FGF1: variants seen among roughly 807,000 people sequenced by gnomAD.
FGF1 encodes the protein fibroblast growth factor 1, also known as beta-endothelial cell growth factor.
In FGF1, 9 loss-of-function variants were observed where a neutral mutation model predicts 13.4. That is an observed-to-expected ratio of 0.67 (90% CI 0.40 to 1.17). The LOEUF is 1.17. Among genes scored for constraint, FGF1 ranks in the 50% most tolerant of loss-of-function variants. FGF1 has a pLI of 0.01. For synonymous variants in FGF1, 93 were observed against 79.0 expected (o/e 1.18, Z -0.94); for missense variants, 156 against 192.7 (o/e 0.81, Z 1.13).
At chr5:142,600,836 A>C (rs766294458) in intron 2 of FGF1, 31 bp from the exon 3 acceptor site, 1 of 1,524,668 alleles carries the variant, frequency 6.6e-7, no homozygotes, top group Non-Finnish European at 9.1e-7. Context: ...GCAAAAGTAA[A>C]TAAACACTAC....
At chr5:142,689,728 C>G (rs1332286813), upstream of FGF1, among the ~76,000 whole-genome samples, 2 of 130,748 alleles carry the variant, frequency 1.5e-5, no homozygotes, top group Non-Finnish European at 3.1e-5. Context: ...AGACAAGAGT[C>G]TCGCTCTGTC....
intron 1 of FGF1, among the ~76,000 whole-genome samples, chr5:142,641,972 G>T (rs926903589): frequency 1.3e-5 from 2 of 152,212 alleles, no homozygotes; most frequent in Non-Finnish European, 2.9e-5. Flanking sequence ...ATTTCATGGA[G>T]CTGAAAAATG....
At chr5:142,659,925 C>T (rs1178650777) in intron 1 of FGF1, among the ~76,000 whole-genome samples, 2 of 152,208 alleles carry the variant, frequency 1.3e-5, no homozygotes, top group Non-Finnish European at 2.9e-5. Context: ...AGATCAGAAG[C>T]TCTTTGACTC....
chr5:142,658,198 A>G (rs1305539295), intron 1 of FGF1, among the ~76,000 whole-genome samples: 1 of 152,234 alleles, frequency 6.6e-6, no homozygotes, highest in Non-Finnish European at 1.5e-5. Context: ...TCCCACAGGC[A>G]TCTCCAAATG....
intron 1 of FGF1, among the ~76,000 whole-genome samples, chr5:142,617,967 T>G (rs1433970322): frequency 1.3e-5 from 2 of 152,220 alleles, no homozygotes; most frequent in Non-Finnish European, 2.9e-5. Flanking sequence ...ATTGCTTTAA[T>G]AAATGAATCC....
intron 2 of FGF1, among the ~76,000 whole-genome samples, chr5:142,604,299 T>C (rs960964159): frequency 6.6e-6 from 1 of 152,216 alleles, no homozygotes; most frequent in African/African-American, 2.4e-5. Context: ...TAAATGGTTA[T>C]CAGACTTTAT....
chr5:142,651,157 G>C (rs998866765), intron 1 of FGF1, among the ~76,000 whole-genome samples: 1 of 151,920 alleles, frequency 6.6e-6, no homozygotes, highest in Non-Finnish European at 1.5e-5. Context: ...AGGGGCACCT[G>C]GTATCTTTCC....
At chr5:142,600,974 GCCTTC>G in intron 2 of FGF1, 169 bp from the exon 3 acceptor site, 1 of 625,286 alleles carries the variant, frequency 1.6e-6, no homozygotes, top group Non-Finnish European at 2.9e-6. Context: ...CTTTTTCTTT[GCCTTC>G]CAAAGAAAGC....
chr5:142,696,954 G>A (rs1330869860), intron 2 of FGF1, among the ~76,000 whole-genome samples: 1 of 152,174 alleles, frequency 6.6e-6, no homozygotes, highest in Non-Finnish European at 1.5e-5. Context: ...ATGGATATAG[G>A]TACATGTTCT....
rs17217128 is a variant in FGF1 at position 142,621,473 on chromosome 5, A to G, written c.-34-7312T>C. ...AAAAATTTAGCTGGATATTTCGGAT[A>G]TTTCCTCCTCGAGCAAGCCTTATTT... On this transcript the variant is annotated intron_variant, in intron 1 of 3. Transcript: ENST00000337706. 6.7e-3 allele frequency: 1,020 copies of G among 151,336 alleles called. 6 individuals carry two copies. Among genetic ancestry groups the G allele is most frequent in the Non-Finnish European group, 0.012 (789 of 67,968 alleles). 9.4% of individuals were successfully genotyped at this position (151,336 alleles called of 1,614,324 possible).
chr5:142,693,696 C>T (rs900543707), intron 2 of FGF1, among the ~76,000 whole-genome samples: 1 of 152,142 alleles, frequency 6.6e-6, no homozygotes, highest in African/African-American at 2.4e-5. Flanking sequence ...CCCATTCCTC[C>T]CTCCTGCCAG....
intron 1 of FGF1, among the ~76,000 whole-genome samples, chr5:142,661,666 G>T (rs759601838): frequency 2.0e-5 from 3 of 152,128 alleles, no homozygotes; most frequent in Non-Finnish European, 2.9e-5. Flanking sequence ...ATGCTACAAT[G>T]TGGATGAACC....
chr5:142,672,500 G>GTT (rs34954693), intron 1 of FGF1, among the ~76,000 whole-genome samples: 105 of 123,308 alleles, frequency 8.5e-4, no homozygotes, highest in Non-Finnish European at 1.0e-3. Flanking sequence ...TTTCTGTACA[G>GTT]TTTTTTTTTT....
intron 1 of FGF1, among the ~76,000 whole-genome samples, chr5:142,660,642 C>T (rs952582194): frequency 1.1e-4 from 16 of 152,218 alleles, no homozygotes; most frequent in Admixed American, 7.8e-4. Flanking sequence ...CAGGCCTCCC[C>T]ATGCTGCAGG....
intron 1 of FGF1, among the ~76,000 whole-genome samples, chr5:142,621,860 T>C (rs938067503): frequency 5.3e-5 from 8 of 152,144 alleles, no homozygotes; most frequent in African/African-American, 1.7e-4. Context: ...CCTCTCTTTC[T>C]CTCTACCCTA....
At chr5:142,659,227 G>A (rs1014789515) in intron 1 of FGF1, among the ~76,000 whole-genome samples, 2 of 135,246 alleles carry the variant, frequency 1.5e-5, no homozygotes, top group African/African-American at 3.1e-5. Context: ...CAGATCTTGC[G>A]TCAGTTTTTT....
At chr5:142,645,590 G>A (rs1056079712) in intron 1 of FGF1, among the ~76,000 whole-genome samples, 6 of 152,128 alleles carry the variant, frequency 3.9e-5, no homozygotes, top group African/African-American at 1.4e-4. Flanking sequence ...TACTACAGAG[G>A]CATTGGGATA....
chr5:142,636,398 T>C (rs1015176944), intron 1 of FGF1, among the ~76,000 whole-genome samples: 1 of 152,232 alleles, frequency 6.6e-6, no homozygotes, highest in Non-Finnish European at 1.5e-5. Context: ...TACATTTCAG[T>C]TTGTCTCTGC....
chr5:142,630,079 A>T (rs1348547127), intron 1 of FGF1, among the ~76,000 whole-genome samples: 1 of 151,862 alleles, frequency 6.6e-6, no homozygotes, highest in Non-Finnish European at 1.5e-5. Flanking sequence ...TTTTTAGTAG[A>T]GACGGGGTCT....
Sources: allele counts gnomAD v4.1 joint callset (sites outside exome capture counted in the v4.1 genomes callset), GRCh38; gene constraint gnomAD v4.1.1; transcripts MANE v1.5; gene names NCBI Gene and HGNC (gene_info 2026-07-23, HGNC 2026-07-21).